Variants in SRPK1 observed in about 807,000 individuals in gnomAD.
SRPK1 encodes the protein SFRS protein kinase 1.
SRPK1 carries 52 observed loss-of-function variants against 89.5 expected under a neutral mutation model. That is an observed-to-expected ratio of 0.58 (90% CI 0.46 to 0.73). The LOEUF is 0.73. Ranked by LOEUF, SRPK1 falls within the 30% of genes least tolerant of loss-of-function variation. SRPK1 has a pLI of 0.00. For missense variants in SRPK1, 603 were observed against 780.6 expected (o/e 0.77, Z 2.71); for synonymous variants, 255 against 270.2 (o/e 0.94, Z 0.55).
At position 35,872,638 on chromosome 6, in the gene SRPK1, G is replaced by T. The variant is rs766642206; in HGVS notation, c.676C>A (p.Gln226Lys). The T allele has an allele frequency of 2.5e-6, 4 of 1,612,382 alleles. No homozygotes were observed. In the Admixed American group the frequency reaches 6.7e-5, roughly 27 times the overall value. Residue 226 changes from glutamine (Q) to lysine (K), a missense_variant, in exon 8 of 16, where the codon CAG becomes AAG. Physicochemically the swap from Gln to Lys is moderately conservative, Grantham distance 53. Coordinates refer to ENST00000373825, the MANE Select transcript of SRPK1 (RefSeq NM_003137.5). ...PENILLSVNE[Q>K]YIRRLAAEAT... is the part of the protein sequence containing the mutation. The stretch of plus-strand genomic sequence containing the variant: ...TCTGCAGCCAGCCTCCGAATGTACT[G>T]CTCATTCACTGACAATAAGATGTTC...
At chr6:35,905,845 T>G (rs186306823) in intron 2 of SRPK1, among the ~76,000 whole-genome samples, 28 of 152,294 alleles carry the variant, frequency 1.8e-4, no homozygotes, top group African/African-American at 6.7e-4. Context: ...GGTCCTATGA[T>G]TCCATGTTTA....
chr6:35,887,896 T>C, intron 5 of SRPK1, 128 bp downstream of exon 5: 1 of 617,564 alleles, frequency 1.6e-6, no homozygotes, highest in East Asian at 3.1e-5. Context: ...CCTTTACCTC[T>C]TTAAGGTTAC....
intron 6 of SRPK1, among the ~76,000 whole-genome samples, chr6:35,884,667 T>C (rs9462143): frequency 0.32 from 47,969 of 151,978 alleles, 7,809 homozygotes; most frequent in South Asian, 0.42. Flanking sequence ...AGGGAATCAA[T>C]GGACAGAAGC....
intron 12 of SRPK1, among the ~76,000 whole-genome samples, chr6:35,860,175 G>T (rs1769751517): frequency 6.6e-6 from 1 of 152,092 alleles, no homozygotes; most frequent in Admixed American, 6.6e-5. Flanking sequence ...TTTAAATGCA[G>T]AGACACTGCT....
chr6:35,908,729 C>T (rs1278114813), intron 2 of SRPK1, among the ~76,000 whole-genome samples: 1 of 152,144 alleles, frequency 6.6e-6, no homozygotes, highest in African/African-American at 2.4e-5. Flanking sequence ...ATCACCAAGA[C>T]AATAGAGAAA....
Position 35,882,966 on chromosome 6 carries a change from G to A in SRPK1, c.478+3758C>T, listed in dbSNP as rs139064512. 6.6e-3 allele frequency among the ~76,000 whole-genome samples: 1,003 copies of A among 152,154 alleles called. 7 individuals are homozygous for A. Among genetic ancestry groups the A allele is most frequent in the African/African-American group, 0.019 (774 of 41,554 alleles). On this transcript the variant is annotated intron_variant, in intron 6 of 15. Coordinates refer to ENST00000373825, the MANE Select transcript of SRPK1 (RefSeq NM_003137.5). Reference sequence around the variant, plus strand: ...TGGGATTACAGGCACGTGCCACCACGCCTCGCTAATTTTTGTATTTTTAGT... The same window carrying A: ...TGGGATTACAGGCACGTGCCACCACACCTCGCTAATTTTTGTATTTTTAGT...
At chr6:35,854,760 C>T (rs969385381) in intron 13 of SRPK1, among the ~76,000 whole-genome samples, 2 of 152,062 alleles carry the variant, frequency 1.3e-5, no homozygotes, top group Admixed American at 1.3e-4. Flanking sequence ...TAATCCACTA[C>T]TAAAAACTAC....
chr6:35,898,250 C>A (rs1770663464), intron 2 of SRPK1, among the ~76,000 whole-genome samples: 1 of 152,124 alleles, frequency 6.6e-6, no homozygotes, highest in South Asian at 2.1e-4. Context: ...GGCCATTATT[C>A]TAAGCGAAGT....
chr6:35,852,640 TGCCGTTTCATTCGG>T (rs1446062192), intron 13 of SRPK1, among the ~76,000 whole-genome samples: 1 of 152,222 alleles, frequency 6.6e-6, no homozygotes, highest in African/African-American at 2.4e-5. Context: ...CAGACATTTC[TGCCGTTTCATTCGG>T]GCAGCTCAGA....
chr6:35,888,143 A>G (rs1482685323), intron 4 of SRPK1, 32 bp from the exon 5 acceptor site: 18 of 1,455,028 alleles, frequency 1.2e-5, no homozygotes, highest in East Asian at 2.3e-5. Context: ...TTAAGACTAC[A>G]TAGCCTACCC....
chr6:35,881,001 C>A (rs1419059032), intron 6 of SRPK1, among the ~76,000 whole-genome samples: 1 of 151,956 alleles, frequency 6.6e-6, no homozygotes, highest in Non-Finnish European at 1.5e-5. Flanking sequence ...CAGCAAGTTT[C>A]TCATCAAAAA....
chr6:35,886,697 T>C (rs1272684960), intron 6 of SRPK1, 27 bp downstream of exon 6: 4 of 1,373,040 alleles, frequency 2.9e-6, no homozygotes, highest in Non-Finnish European at 4.1e-6. Flanking sequence ...GGATGATTTA[T>C]TCTCAAATAG....
chr6:35,874,529 A>G (rs1017121941), intron 6 of SRPK1, among the ~76,000 whole-genome samples, 190 bp from the exon 7 acceptor site: 2 of 152,272 alleles, frequency 1.3e-5, no homozygotes, highest in Admixed American at 1.3e-4. Context: ...CAATGAAAGC[A>G]TTCATGAAAC....
At chr6:35,880,488 C>T (rs566106893) in intron 6 of SRPK1, among the ~76,000 whole-genome samples, 49 of 151,554 alleles carry the variant, frequency 3.2e-4, no homozygotes, top group Middle Eastern at 3.4e-3. Flanking sequence ...TTTGGGAGGC[C>T]AAGGCAAGTG....
chr6:35,907,151 C>T (rs1770865056), intron 2 of SRPK1, among the ~76,000 whole-genome samples: 1 of 151,858 alleles, frequency 6.6e-6, no homozygotes, highest in South Asian at 2.1e-4. Context: ...AGGTAGTTTG[C>T]CAAAAACAAA....
intron 15 of SRPK1, among the ~76,000 whole-genome samples, chr6:35,836,885 A>G (rs1448641224): frequency 6.6e-6 from 1 of 152,106 alleles, no homozygotes; most frequent in Non-Finnish European, 1.5e-5. Context: ...CTGACTGCAC[A>G]TGAGGAGGAA....
At chr6:35,848,089 C>G (rs1769463159) in intron 13 of SRPK1, among the ~76,000 whole-genome samples, 2 of 152,190 alleles carry the variant, frequency 1.3e-5, no homozygotes, top group African/African-American at 4.8e-5. Context: ...GTATGAGCCA[C>G]TGTGCCCGGC....
At chr6:35,837,765 C>G (rs1420585159) in intron 15 of SRPK1, among the ~76,000 whole-genome samples, 1 of 151,912 alleles carries the variant, frequency 6.6e-6, no homozygotes, top group Non-Finnish European at 1.5e-5. Context: ...CCTGTGCTGC[C>G]CAGGCTGGTC....
At chr6:35,850,828 AAAGTAGTCAGGAAG>A (rs1455523304) in intron 13 of SRPK1, among the ~76,000 whole-genome samples, 12 of 152,314 alleles carry the variant, frequency 7.9e-5, no homozygotes, top group Admixed American at 3.3e-4. Context: ...TATTTCAAAT[AAAGTAGTCAGGAAG>A]ACATCTCTAA....
Sources: allele counts gnomAD v4.1 joint callset (sites outside exome capture counted in the v4.1 genomes callset), GRCh38; gene constraint gnomAD v4.1.1; transcripts MANE v1.5; gene names NCBI Gene and HGNC (gene_info 2026-07-23, HGNC 2026-07-21).